The following NBEA variants were observed in gnomAD, a reference collection of about 807,000 sequenced individuals.
NBEA encodes lysosomal-trafficking regulator 2.
A neutral mutation model predicts 343.4 loss-of-function variants in NBEA; 44 were observed. The ratio of observed to expected loss-of-function variants is 0.13; its 90% CI spans 0.10 to 0.16. The LOEUF (loss-of-function observed/expected upper bound fraction) is 0.16, where lower values mean the gene tolerates loss of function less well. Ranked by LOEUF, NBEA falls within the 10% of genes least tolerant of loss-of-function variation. The pLI is 1.00. For missense variants in NBEA, 2,555 were observed against 3,631.3 expected, an observed-to-expected ratio of 0.70 and a Z score of 7.62; for synonymous variants, 1,175 against 1,238.7, an observed-to-expected ratio of 0.95 and a Z score of 1.08.
intron 1 of NBEA, among the ~76,000 whole-genome samples, chr13:35,010,946 G>T (rs1331116524): frequency 6.6e-6 from 1 of 151,004 alleles, no homozygotes; most frequent in African/African-American, 2.4e-5. Context: ...AGGATGAAGT[G>T]GAGCCAATGA....
intron 13 of NBEA, among the ~76,000 whole-genome samples, chr13:35,115,702 ATATT>A (rs1466549469): frequency 1.3e-5 from 2 of 152,208 alleles, no homozygotes; most frequent in African/African-American, 4.8e-5. Context: ...AAATATGTAT[ATATT>A]TCTTTGCAAC....
intron 48 of NBEA, among the ~76,000 whole-genome samples, chr13:35,610,008 A>G (rs1327969): frequency 0.23 from 34,706 of 152,116 alleles, 4,173 homozygotes; most frequent in African/African-American, 0.25. Context: ...CATAGGAAAC[A>G]GTGGACTAAG....
At chr13:35,348,997 G>A (rs1276712978) in intron 36 of NBEA, 111 bp from the exon 37 acceptor site, 2 of 414,760 alleles carry the variant, frequency 4.8e-6, no homozygotes, top group Non-Finnish European at 8.6e-6. Context: ...TTTATATCTA[G>A]CTTTATCTAA....
intron 34 of NBEA, among the ~76,000 whole-genome samples, chr13:35,246,047 AT>A (rs1272227629): frequency 2.6e-5 from 4 of 151,962 alleles, no homozygotes; most frequent in African/African-American, 9.7e-5. Context: ...CAAGCTCTAA[AT>A]TTGTTTCTTC....
At chr13:35,333,237 C>T (rs11843964) in intron 36 of NBEA, among the ~76,000 whole-genome samples, 11,930 of 150,712 alleles carry the variant, frequency 0.079, 571 homozygotes, top group African/African-American at 0.15. Flanking sequence ...TAAAATAAAG[C>T]GCAAAATAGA....
chr13:35,144,121 T>A (rs2068265900), intron 18 of NBEA, among the ~76,000 whole-genome samples: 1 of 152,190 alleles, frequency 6.6e-6, no homozygotes. Flanking sequence ...TTTCTTTGGG[T>A]TCTTTTAAGG....
chr13:35,163,667 G>A (rs2069755254), intron 23 of NBEA, among the ~76,000 whole-genome samples: 1 of 151,774 alleles, frequency 6.6e-6, no homozygotes, highest in African/African-American at 2.4e-5. Context: ...CGAAAGCAGG[G>A]TATTTTTTTG....
Position 34,972,455 on chromosome 13 carries a change from T to C in NBEA, c.294+29341T>C, listed in dbSNP as rs546345886. On this transcript the variant is annotated intron_variant, in intron 1 of 58. Transcript: ENST00000379939. The stretch of plus-strand genomic sequence containing the variant: ...TTGAGATCTCTCTAATTTTTTAATA[T>C]AGGCATTTAGTGTTATAAATTTCTC... 2.0e-5 allele frequency among the ~76,000 whole-genome samples: 3 copies of C among 152,322 alleles called. No individual in the cohort carries two copies. The South Asian group carries it at 6.2e-4, about 32-fold the overall frequency.
In NBEA at chr13:35,166,595, A is replaced by G. The variant is rs73502442; in HGVS notation, c.4233+2086A>G. On this transcript the variant is annotated intron_variant, in intron 24 of 58. Transcript: ENST00000379939. ...GTTTGGACCTATGCCTGGTTGTACA[A>G]CATAGCTGATTTTATGTTTTTAGAA... Among the ~76,000 whole-genome samples, 346 of 152,278 alleles carry G rather than the reference A, an allele frequency of 2.3e-3. 2 individuals are homozygous for G. The highest frequency in any genetic ancestry group is 7.9e-3 in the African/African-American group (330 of 41,576).
intron 1 of NBEA, among the ~76,000 whole-genome samples, chr13:34,979,872 G>A (rs1162209814): frequency 1.3e-5 from 2 of 152,056 alleles, no homozygotes; most frequent in Admixed American, 6.5e-5. Flanking sequence ...TTATCTATAT[G>A]AAATTAATTT....
intron 30 of NBEA, among the ~76,000 whole-genome samples, chr13:35,190,135 C>T (rs1348127783): frequency 1.3e-5 from 2 of 152,096 alleles, no homozygotes; most frequent in East Asian, 3.9e-4. Context: ...AAACTCCATT[C>T]ACAGGGCTTA....
intron 34 of NBEA, chr13:35,250,999 G>T (rs1057206046): frequency 1.3e-5 from 2 of 153,962 alleles, no homozygotes; most frequent in African/African-American, 4.8e-5. Context: ...GTTCATGGGG[G>T]ATGCATGTGG....
chr13:35,183,301 C>T (rs2071443108), intron 29 of NBEA, among the ~76,000 whole-genome samples: 1 of 151,994 alleles, frequency 6.6e-6, no homozygotes. Flanking sequence ...CCTTGATAAC[C>T]TAATGGTTAT....
At chr13:34,979,811 ATTC>A (rs1881461535) in intron 1 of NBEA, among the ~76,000 whole-genome samples, 4 of 152,154 alleles carry the variant, frequency 2.6e-5, no homozygotes, top group African/African-American at 2.4e-5. Flanking sequence ...TCATACAGAT[ATTC>A]TTCTGTGTTT....
At chr13:35,154,970 G>C (rs2069058453) in intron 18 of NBEA, among the ~76,000 whole-genome samples, 1 of 151,308 alleles carries the variant, frequency 6.6e-6, no homozygotes, top group Non-Finnish European at 1.5e-5. Flanking sequence ...ACCAAAAAAT[G>C]AGAAAAATAA....
intron 45 of NBEA, among the ~76,000 whole-genome samples, chr13:35,581,845 G>A (rs1369309385): frequency 7.1e-6 from 1 of 140,600 alleles, no homozygotes; most frequent in Admixed American, 7.5e-5. Context: ...TAACTAACCT[G>A]CACAATGTGC....
chr13:35,319,978 T>A (rs1455635519), intron 36 of NBEA, among the ~76,000 whole-genome samples: 1 of 152,152 alleles, frequency 6.6e-6, no homozygotes, highest in Non-Finnish European at 1.5e-5. Context: ...ATTTTGAGTC[T>A]ATATGTGACT....
At chr13:35,151,502 C>T (rs1295546283) in intron 18 of NBEA, among the ~76,000 whole-genome samples, 4 of 144,110 alleles carry the variant, frequency 2.8e-5, no homozygotes, top group Admixed American at 7.1e-5. Flanking sequence ...GAGATTATGC[C>T]ATTGCACTCC....
intron 41 of NBEA, among the ~76,000 whole-genome samples, chr13:35,526,672 G>C (rs769134405): frequency 6.6e-6 from 1 of 152,196 alleles, no homozygotes; most frequent in Non-Finnish European, 1.5e-5. Context: ...CAGCCTGGCA[G>C]GCTATGCTAA....
Sources: allele counts gnomAD v4.1 joint callset (sites outside exome capture counted in the v4.1 genomes callset), GRCh38; gene constraint gnomAD v4.1.1; transcripts MANE v1.5; gene names NCBI Gene and HGNC (gene_info 2026-07-23, HGNC 2026-07-21).